GLIS3: variants seen among roughly 807,000 people sequenced by gnomAD.
GLIS3 encodes the protein zinc finger protein GLIS3.
Under a neutral mutation model 78.6 loss-of-function variants are expected in GLIS3, and 53 were observed. The observed-to-expected ratio is 0.67, with a 90% CI of 0.54 to 0.85. The LOEUF is 0.85. GLIS3 is among the 40% of genes least tolerant of loss of function. GLIS3 has a pLI of 0.00. For missense variants in GLIS3, 1,703 were observed against 1,231.1 expected (o/e 1.38, Z -5.74); for synonymous variants, 684 against 509.9 (o/e 1.34, Z -4.60).
chr9:4,035,606 A>T (rs1166831316), intron 4 of GLIS3, among the ~76,000 whole-genome samples: 1 of 151,764 alleles, frequency 6.6e-6, no homozygotes. Context: ...GCCCTAACTC[A>T]TCTCCTCCAT....
chr9:4,459,365 T>C, the GLIS3 span, among the ~76,000 whole-genome samples: 1 of 152,164 alleles, frequency 6.6e-6, no homozygotes, highest in African/African-American at 2.4e-5. Context: ...ATCCAATCTT[T>C]AGGGATTGGG....
chr9:3,876,068 A>T (rs553787586), intron 8 of GLIS3, among the ~76,000 whole-genome samples: 1 of 152,170 alleles, frequency 6.6e-6, no homozygotes, highest in Non-Finnish European at 1.5e-5. Flanking sequence ...TTTAATCCTA[A>T]TTCCCCATAA....
intron 2 of GLIS3, among the ~76,000 whole-genome samples, chr9:4,169,045 C>T (rs570043395): frequency 6.6e-6 from 1 of 152,280 alleles, no homozygotes; most frequent in East Asian, 1.9e-4. Flanking sequence ...AGATCATCAC[C>T]ACCAGCTTTA....
At chr9:4,366,119 G>C in the GLIS3 span, among the ~76,000 whole-genome samples, 2 of 152,182 alleles carry the variant, frequency 1.3e-5, no homozygotes, top group South Asian at 4.1e-4. Context: ...TGGGCCCAGT[G>C]AGATAGGACA....
chr9:3,828,409 C>CT lies in GLIS3; in HGVS notation c.2657-2dup. The CT allele has an allele frequency of 6.2e-7, 1 of 1,612,992 alleles. No individual in the cohort carries two copies. The highest frequency in any genetic ancestry group is 1.1e-5 in the South Asian group (1 of 91,030). ...GAGGAACTTGAAGGTAAATCATACA[C>CT]TGGAAGAGAAAGAACGCAGTTAAGT... On this transcript the variant is annotated splice_acceptor_variant, in intron 10 of 10. Transcript: ENST00000381971. LOFTEE classifies it high-confidence loss of function.
rs189196516 is a variant in GLIS3 at position 4,298,541 on chromosome 9, A to G, written c.-99+880T>C. ...GTGTCTAGGAGAGAGCCGGCGGCTC[A>G]CTCACGCTTTCCAGAGAGCGACCCG... On this transcript the variant is annotated intron_variant, in intron 1 of 10. Coordinates refer to ENST00000381971, the MANE Select transcript of GLIS3 (RefSeq NM_001042413.2). The G allele has an allele frequency of 1.4e-3, 475 of 347,994 alleles. 3 individuals are homozygous for G. The highest frequency in any genetic ancestry group is 9.4e-3 in the African/African-American group (426 of 45,366). The allele number at this position is 347,994 out of a possible 1,614,324, so 21.6% of individuals were successfully genotyped here.
At chr9:4,159,306 C>G (rs1371936703) in intron 2 of GLIS3, among the ~76,000 whole-genome samples, 3 of 152,182 alleles carry the variant, frequency 2.0e-5, no homozygotes, top group Non-Finnish European at 2.9e-5. Context: ...CAATCTCTGC[C>G]TTGTCTTGGC....
At chr9:4,210,027 G>C (rs757876042) in intron 2 of GLIS3, among the ~76,000 whole-genome samples, 2 of 152,180 alleles carry the variant, frequency 1.3e-5, no homozygotes, top group Non-Finnish European at 2.9e-5. Flanking sequence ...GAAATGTAAG[G>C]ATGATATTTT....
At chr9:4,270,933 G>A (rs71510208) in intron 2 of GLIS3, among the ~76,000 whole-genome samples, 1 of 77,526 alleles carries the variant, frequency 1.3e-5, no homozygotes, top group South Asian at 7.5e-4. Context: ...GTGTGTGTGT[G>A]TATACACAAC....
chr9:4,349,978 C>A (rs1170413184), upstream of GLIS3, among the ~76,000 whole-genome samples: 5 of 152,208 alleles, frequency 3.3e-5, no homozygotes, highest in African/African-American at 1.2e-4. Flanking sequence ...CCCAGGCCAG[C>A]TGGCTTCAGG....
the GLIS3 span, among the ~76,000 whole-genome samples, chr9:4,391,734 G>A: frequency 6.6e-6 from 1 of 152,156 alleles, no homozygotes; most frequent in Non-Finnish European, 1.5e-5. Context: ...AAAGCACTTA[G>A]TACAATGAAA....
chr9:4,467,800 G>C, the GLIS3 span, among the ~76,000 whole-genome samples: 3 of 150,550 alleles, frequency 2.0e-5, no homozygotes, highest in Non-Finnish European at 4.5e-5. Context: ...GACGAGTTGA[G>C]AGAAGAAGGT....
chr9:3,922,000 A>T (rs537232116), intron 6 of GLIS3, among the ~76,000 whole-genome samples: 6 of 151,998 alleles, frequency 3.9e-5, no homozygotes, highest in Admixed American at 2.6e-4. Context: ...ATATAGTCCT[A>T]ACAGAAATTC....
At chr9:3,853,721 C>G (rs540013128) in intron 9 of GLIS3, among the ~76,000 whole-genome samples, 7 of 152,168 alleles carry the variant, frequency 4.6e-5, no homozygotes, top group African/African-American at 1.7e-4. Flanking sequence ...TTTCAAAACA[C>G]TTTTTAAAGA....
chr9:3,872,939 A>G (rs1821060762), intron 8 of GLIS3, among the ~76,000 whole-genome samples: 1 of 152,234 alleles, frequency 6.6e-6, no homozygotes, highest in South Asian at 2.1e-4. Context: ...ATAAAATGAA[A>G]TAGAAACTAA....
intron 4 of GLIS3, among the ~76,000 whole-genome samples, chr9:4,032,901 T>A (rs1355347705): frequency 2.6e-5 from 4 of 151,966 alleles, no homozygotes; most frequent in Non-Finnish European, 4.4e-5. Flanking sequence ...TCGCCCAGGC[T>A]GGAGTGCGGT....
chr9:4,462,467 G>C, the GLIS3 span, among the ~76,000 whole-genome samples: 1 of 152,068 alleles, frequency 6.6e-6, no homozygotes, highest in East Asian at 1.9e-4. Flanking sequence ...TAAAAAGAAG[G>C]AGATGGCCAG....
chr9:4,272,979 T>C lies in GLIS3; in HGVS notation c.388+13059A>G, dbSNP rs550067046. Among the ~76,000 whole-genome samples, 4 of 152,360 alleles carry C rather than the reference T, an allele frequency of 2.6e-5. No individual in the cohort carries two copies. The East Asian group carries it at 7.7e-4, about 29-fold the overall frequency. On this transcript the variant is annotated intron_variant, in intron 2 of 10. Transcript: ENST00000381971. ...AATCTTTAGATGGGAGATACAGGTT[T>C]AAAATACTTTATTTCACCTCAGTGC... is the stretch of plus-strand genomic sequence containing the variant.
At chr9:4,278,158 G>A (rs1827198727) in intron 2 of GLIS3, among the ~76,000 whole-genome samples, 1 of 152,202 alleles carries the variant, frequency 6.6e-6, no homozygotes, top group Non-Finnish European at 1.5e-5. Flanking sequence ...CAACAAGATA[G>A]TGTGACGAAG....
Sources: gnomAD v4.1 joint callset for allele counts (sites outside exome capture counted in the v4.1 genomes callset) on GRCh38, gnomAD v4.1.1 for gene constraint, MANE v1.5 for transcripts, NCBI Gene and HGNC (gene_info 2026-07-23, HGNC 2026-07-21) for gene names.